The following RGS6 variants were observed in gnomAD, a reference collection of about 807,000 sequenced individuals.
RGS6 encodes the protein regulator of G-protein signaling 6.
RGS6 carries 30 observed loss-of-function variants against 78.5 expected under a neutral mutation model. The ratio of observed to expected loss-of-function variants is 0.38; its 90% CI spans 0.29 to 0.52. The LOEUF (loss-of-function observed/expected upper bound fraction) is 0.52, where lower values mean the gene tolerates loss of function less well. Among genes scored for constraint, RGS6 ranks in the 20% least tolerant of loss-of-function variants. The pLI, the probability that RGS6 is intolerant of heterozygous loss-of-function variation, is 0.85. For synonymous variants in RGS6, 206 were observed against 206.0 expected (o/e 1.00, Z 0.00); for missense variants, 495 against 609.7 (o/e 0.81, Z 1.98).
chr14:72,359,027 C>T (rs112956906), intron 3 of RGS6, among the ~76,000 whole-genome samples: 424 of 152,260 alleles, frequency 2.8e-3, no homozygotes, highest in African/African-American at 9.4e-3. Flanking sequence ...AGTTTTATAA[C>T]GGGCTTTTCC....
At chr14:72,602,459 G>T in the RGS6 span, among the ~76,000 whole-genome samples, 5 of 152,158 alleles carry the variant, frequency 3.3e-5, no homozygotes. Flanking sequence ...GCTCATGGAG[G>T]TTATGTAGCA....
intron 2 of RGS6, among the ~76,000 whole-genome samples, chr14:72,240,765 G>A (rs1006280768): frequency 1.3e-5 from 2 of 152,064 alleles, no homozygotes; most frequent in Non-Finnish European, 2.9e-5. Flanking sequence ...TTTTCTACAT[G>A]GTTTGCAGCA....
chr14:72,557,429 A>AT (rs1468569173), intron 17 of RGS6, among the ~76,000 whole-genome samples: 2 of 152,130 alleles, frequency 1.3e-5, no homozygotes, highest in African/African-American at 4.8e-5. Flanking sequence ...CAGGGGCAGC[A>AT]ACCTTCCGGG....
intron 2 of RGS6, among the ~76,000 whole-genome samples, chr14:72,028,849 T>G (rs947985520): frequency 2.0e-5 from 3 of 152,210 alleles, no homozygotes; most frequent in African/African-American, 4.8e-5. Context: ...AAGTAAAAAA[T>G]GACATTTTCT....
the RGS6 span, among the ~76,000 whole-genome samples, chr14:71,907,642 G>T: frequency 6.6e-6 from 1 of 152,154 alleles, no homozygotes; most frequent in East Asian, 1.9e-4. Flanking sequence ...TCAGATTTAT[G>T]TGGGGAGATT....
At chr14:72,337,797 T>C (rs1025543888) in intron 2 of RGS6, among the ~76,000 whole-genome samples, 1 of 152,230 alleles carries the variant, frequency 6.6e-6, no homozygotes, top group Non-Finnish European at 1.5e-5. Context: ...CCAAGGGGAA[T>C]AAGGGGTTTA....
the RGS6 span, among the ~76,000 whole-genome samples, chr14:71,922,899 C>A: frequency 1.0e-4 from 15 of 145,068 alleles, no homozygotes; most frequent in Non-Finnish European, 4.6e-5. Flanking sequence ...AAAAAGGAAC[C>A]TAGATGCTAT....
chr14:72,496,366 T>TAAC (rs2096645488), intron 13 of RGS6, among the ~76,000 whole-genome samples: 1 of 152,212 alleles, frequency 6.6e-6, no homozygotes, highest in Non-Finnish European at 1.5e-5. Context: ...GATGGTTCAG[T>TAAC]TTCAACATTA....
intron 3 of RGS6, among the ~76,000 whole-genome samples, chr14:72,390,090 CTTT>C (rs767640465): frequency 6.0e-5 from 7 of 117,398 alleles, no homozygotes; most frequent in Non-Finnish European, 6.8e-5. Flanking sequence ...AGCTATAGTT[CTTT>C]TTTTTTTTTT....
At chr14:71,955,963 T>G (rs555089516) in intron 1 of RGS6, among the ~76,000 whole-genome samples, 118 of 152,308 alleles carry the variant, frequency 7.7e-4, no homozygotes, top group African/African-American at 2.7e-3. Context: ...GATGAGGGAC[T>G]TGCCTTCTGC....
the RGS6 span, among the ~76,000 whole-genome samples, chr14:72,597,063 A>AC: frequency 2.0e-5 from 3 of 152,182 alleles, no homozygotes; most frequent in African/African-American, 7.2e-5. Context: ...ACATGGTGAA[A>AC]CCCCTTCTCT....
intron 13 of RGS6, among the ~76,000 whole-genome samples, chr14:72,502,978 G>T (rs1400333870): frequency 6.6e-6 from 1 of 152,152 alleles, no homozygotes; most frequent in Non-Finnish European, 1.5e-5. Context: ...TGTTCAGGCT[G>T]CTACAGCAAA....
At chr14:71,998,843 C>T (rs2082858078) in intron 2 of RGS6, among the ~76,000 whole-genome samples, 1 of 152,170 alleles carries the variant, frequency 6.6e-6, no homozygotes, top group South Asian at 2.1e-4. Flanking sequence ...CTTAGTGAGC[C>T]ATGTGGTCTC....
At chr14:72,577,370 C>T in the RGS6 span, among the ~76,000 whole-genome samples, 5 of 152,314 alleles carry the variant, frequency 3.3e-5, no homozygotes, top group African/African-American at 4.8e-5. Context: ...AGCATTCTCT[C>T]GTTTAAACAT....
chr14:72,055,245 C>T (rs916345622), intron 2 of RGS6, among the ~76,000 whole-genome samples: 1 of 152,168 alleles, frequency 6.6e-6, no homozygotes, highest in African/African-American at 2.4e-5. Context: ...TTTACACTTC[C>T]ACCAGAGGTG....
intron 1 of RGS6, among the ~76,000 whole-genome samples, chr14:71,939,938 A>G (rs978196012): frequency 1.3e-5 from 2 of 152,142 alleles, no homozygotes; most frequent in Non-Finnish European, 2.9e-5. Flanking sequence ...TCCCCCCATA[A>G]TAGCCGTCAC....
At chr14:72,051,653 T>C (rs2093254031) in intron 2 of RGS6, among the ~76,000 whole-genome samples, 1 of 152,196 alleles carries the variant, frequency 6.6e-6, no homozygotes, top group African/African-American at 2.4e-5. Context: ...TTTTAATCAC[T>C]TTCTTGTAGA....
At chr14:72,570,891 C>T (rs190597041), downstream of RGS6, among the ~76,000 whole-genome samples, 4 of 152,262 alleles carry the variant, frequency 2.6e-5, no homozygotes, top group East Asian at 1.9e-4. Context: ...TCCTTATTGA[C>T]GTCCAAAGTG....
chr14:72,056,434 C>G (rs559811987), intron 2 of RGS6, among the ~76,000 whole-genome samples: 1 of 152,194 alleles, frequency 6.6e-6, no homozygotes, highest in Non-Finnish European at 1.5e-5. Flanking sequence ...AAATCCACCT[C>G]GTACCTGTGA....
Sources: allele counts gnomAD v4.1 joint callset (sites outside exome capture counted in the v4.1 genomes callset), GRCh38; gene constraint gnomAD v4.1.1; transcripts MANE v1.5; gene names NCBI Gene and HGNC (gene_info 2026-07-23, HGNC 2026-07-21).